IGF1R: variants seen among roughly 807,000 people sequenced by gnomAD.
The protein encoded by IGF1R is insulin like growth factor 1 receptor.
IGF1R carries 44 observed loss-of-function variants against 144.6 expected under a neutral mutation model. The ratio of observed to expected loss-of-function variants is 0.30; its 90% CI spans 0.24 to 0.39. The LOEUF (loss-of-function observed/expected upper bound fraction) is 0.39, where lower values mean the gene tolerates loss of function less well. Ranked by LOEUF, IGF1R falls within the 10% of genes least tolerant of loss-of-function variation. IGF1R has a pLI of 1.00. For missense variants in IGF1R, 1,355 were observed against 1,833.7 expected (o/e 0.74, Z 4.77); for synonymous variants, 795 against 722.8 (o/e 1.10, Z -1.60).
intron 1 of IGF1R, among the ~76,000 whole-genome samples, chr15:98,666,772 G>A (rs1284589124): frequency 6.6e-6 from 1 of 152,174 alleles, no homozygotes; most frequent in East Asian, 1.9e-4. Flanking sequence ...GGTGTTTAAT[G>A]GGTACAGAGT....
At chr15:98,767,982 G>C (rs1312329832) in intron 2 of IGF1R, among the ~76,000 whole-genome samples, 2 of 152,180 alleles carry the variant, frequency 1.3e-5, no homozygotes, top group African/African-American at 4.8e-5. Flanking sequence ...TCAGTCTGCA[G>C]ACCATAGCTG....
At chr15:98,937,075 G>A (rs920231543) in intron 17 of IGF1R, among the ~76,000 whole-genome samples, 5 of 152,142 alleles carry the variant, frequency 3.3e-5, no homozygotes, top group African/African-American at 9.6e-5. Context: ...TAGTAGAGAC[G>A]GGGTTTCACC....
At chr15:98,823,668 T>A (rs575608714) in intron 2 of IGF1R, among the ~76,000 whole-genome samples, 1 of 152,330 alleles carries the variant, frequency 6.6e-6, no homozygotes, top group Admixed American at 6.5e-5. Context: ...GTGGCATCTT[T>A]CCAGGTGTCA....
chr15:98,700,902 C>G (rs955992969), intron 1 of IGF1R, among the ~76,000 whole-genome samples: 1 of 151,868 alleles, frequency 6.6e-6, no homozygotes, highest in Non-Finnish European at 1.5e-5. Context: ...AGGGTTCTGT[C>G]TATTGCGCTA....
At chr15:98,931,667 T>C (rs945520208) in intron 15 of IGF1R, among the ~76,000 whole-genome samples, 30 of 148,084 alleles carry the variant, frequency 2.0e-4, no homozygotes, top group Non-Finnish European at 3.9e-4. Context: ...CTTACAAGAG[T>C]TGTTACTTGT....
chr15:98,664,455 A>G (rs981948501), intron 1 of IGF1R, among the ~76,000 whole-genome samples: 5 of 152,124 alleles, frequency 3.3e-5, no homozygotes, highest in South Asian at 2.1e-4. Flanking sequence ...ACCTGAAATC[A>G]GGAGTTCGAG....
intron 2 of IGF1R, among the ~76,000 whole-genome samples, chr15:98,781,213 G>C (rs2055854493): frequency 6.6e-6 from 1 of 152,184 alleles, no homozygotes; most frequent in Non-Finnish European, 1.5e-5. Flanking sequence ...TTCCCAAATT[G>C]ATTTATAATT....
At chr15:98,911,543 G>A (rs1345110539) in intron 7 of IGF1R, 102 bp downstream of exon 7, 1 of 1,505,138 alleles carries the variant, frequency 6.6e-7, no homozygotes, top group South Asian at 1.1e-5. Flanking sequence ...CAGGGGGTCA[G>A]CAGAGTCCCC....
chr15:98,789,637 A>G (rs28723645), intron 2 of IGF1R, among the ~76,000 whole-genome samples: 4,107 of 152,282 alleles, frequency 0.027, 192 homozygotes, highest in African/African-American at 0.094. Context: ...GACCTTTAAC[A>G]TTGGGCCACG....
At chr15:98,858,984 T>G (rs1322294373) in intron 2 of IGF1R, among the ~76,000 whole-genome samples, 1 of 152,180 alleles carries the variant, frequency 6.6e-6, no homozygotes, top group Admixed American at 6.5e-5. Flanking sequence ...CTGTTGTGGT[T>G]GTTCCTTAGA....
intron 8 of IGF1R, among the ~76,000 whole-genome samples, chr15:98,913,855 G>A (rs1349794136): frequency 6.6e-6 from 1 of 152,162 alleles, no homozygotes; most frequent in Admixed American, 6.5e-5. Flanking sequence ...AAAAGCAAAC[G>A]TTAATAGTTT....
chr15:98,840,004 T>C (rs113167538), intron 2 of IGF1R, among the ~76,000 whole-genome samples: 4 of 152,368 alleles, frequency 2.6e-5, no homozygotes, highest in African/African-American at 9.6e-5. Context: ...GATTACTTTT[T>C]TCAGGTGTCT....
Position 98,922,289 on chromosome 15 carries a change from A to T in IGF1R, c.2343A>T (p.Arg781Ser). ...LETEYPFFES[R>S]VDNKERTVIS... ...CAGAGTACCCTTTCTTTGAGAGCAG[A>T]GTGGATAACAAGGAGAGAACTGTCA... The change falls in exon 11 of 21, where the codon AGA (arginine) becomes AGT (serine). Residue 781 changes from arginine (R) to serine (S), a missense_variant. This residue lies in a region of IGF1R where 880 missense variants were observed against 1,202.7 expected (regional missense o/e 0.73). Transcript: ENST00000650285. The T allele has an allele frequency of 6.2e-7, 1 of 1,614,156 alleles. No homozygotes were observed. The highest frequency in any genetic ancestry group is 8.5e-7 in the Non-Finnish European group (1 of 1,180,020).
chr15:98,813,559 T>C (rs2056637006), intron 2 of IGF1R, among the ~76,000 whole-genome samples: 1 of 152,188 alleles, frequency 6.6e-6, no homozygotes, highest in Admixed American at 6.5e-5. Flanking sequence ...CTTCTCCGTG[T>C]GGCCCCTTGG....
chr15:98,671,425 A>T lies in IGF1R; in HGVS notation c.94+21750A>T, dbSNP rs187877568. Among the ~76,000 whole-genome samples the T allele has an allele frequency of 2.4e-3, 361 of 152,312 alleles. 2 individuals carry two copies. The highest frequency in any genetic ancestry group is 4.1e-3 in the Non-Finnish European group (282 of 68,022). ...GCTATCACCCCCTCTCCTTAGCAGC[A>T]TTGTAAACAAACGTCATTTGTAAGG... On this transcript the variant is annotated intron_variant, in intron 1 of 20. Coordinates refer to ENST00000650285, the MANE Select transcript of IGF1R (RefSeq NM_000875.5).
intron 1 of IGF1R, among the ~76,000 whole-genome samples, chr15:98,657,348 G>A (rs1181144627): frequency 6.6e-6 from 1 of 152,196 alleles, no homozygotes; most frequent in Admixed American, 6.5e-5. Flanking sequence ...CCAATTGACT[G>A]CATCAGCTTA....
intron 7 of IGF1R, among the ~76,000 whole-genome samples, chr15:98,911,830 G>T (rs918282457): frequency 6.6e-6 from 1 of 152,084 alleles, no homozygotes; most frequent in African/African-American, 2.4e-5. Context: ...CCTACTCCAG[G>T]AACACCCTGC....
In IGF1R at chr15:98,650,610, G is replaced by A. The variant is rs370128540; in HGVS notation, c.94+935G>A. 7.2e-5 allele frequency among the ~76,000 whole-genome samples: 11 copies of A among 152,382 alleles called. No individual in the cohort carries two copies. In the East Asian group the frequency reaches 1.4e-3, roughly 19 times the overall value. Reference sequence around the variant, plus strand: ...ATTCCGACACACGTGCTCGCAGCGCGGGGTGTAGTCGCCGCCTCACGGGGA... The same window carrying A: ...ATTCCGACACACGTGCTCGCAGCGCAGGGTGTAGTCGCCGCCTCACGGGGA... On this transcript the variant is annotated intron_variant, in intron 1 of 20. Transcript: ENST00000650285.
intron 3 of IGF1R, among the ~76,000 whole-genome samples, chr15:98,892,875 G>A (rs996679117): frequency 2.0e-5 from 3 of 152,116 alleles, no homozygotes; most frequent in Admixed American, 6.5e-5. Context: ...AAATTAGTTT[G>A]GCTTGGTGGC....
Sources: allele counts gnomAD v4.1 joint callset (sites outside exome capture counted in the v4.1 genomes callset), GRCh38; gene constraint gnomAD v4.1.1; regional missense constraint gnomAD v4.1.1; transcripts MANE v1.5; gene names NCBI Gene and HGNC (gene_info 2026-07-23, HGNC 2026-07-21).